Variants in PIGB observed in about 807,000 individuals in gnomAD.
The protein encoded by PIGB is GPI alpha-1,2-mannosyltransferase 3.
In PIGB, 58 loss-of-function variants were observed where a neutral mutation model predicts 68.4. That is an observed-to-expected ratio of 0.85 (90% CI 0.69 to 1.06). The LOEUF is 1.06. PIGB is among the 50% of genes least tolerant of loss of function. The probability of loss-of-function intolerance (pLI) is 0.00; values close to 1 mark genes in which losing one functional copy is unlikely to be tolerated. For missense variants in PIGB, 634 were observed against 655.8 expected (o/e 0.97, Z 0.36); for synonymous variants, 219 against 220.5 (o/e 0.99, Z 0.06).
intron 8 of PIGB, 107 bp downstream of exon 8, chr15:55,340,930 G>A (rs940982476): frequency 1.5e-6 from 1 of 686,572 alleles, no homozygotes; most frequent in East Asian, 2.8e-5. Context: ...ATTAACTTTT[G>A]TTAGTGGGAA....
chr15:55,331,700 C>A (rs961767952), intron 5 of PIGB, among the ~76,000 whole-genome samples: 16 of 151,362 alleles, frequency 1.1e-4, no homozygotes, highest in Non-Finnish European at 4.4e-5. Flanking sequence ...GCAACAAGAG[C>A]AAAACTGTCT....
In PIGB at chr15:55,342,933, A is replaced by G. The variant is rs911044143; in HGVS notation, c.1123+1131A>G. ...TTCCTTCAAATATTAAGACCTTAAA[A>G]AAAATCACAGCGTTGAGAGAGAAGA... On this transcript the variant is annotated intron_variant, in intron 9 of 11. Coordinates refer to ENST00000164305, the MANE Select transcript of PIGB (RefSeq NM_004855.5). Among the ~76,000 whole-genome samples, 12 of 152,330 alleles carry G rather than the reference A, an allele frequency of 7.9e-5. No individual in the cohort carries two copies. In the South Asian group the frequency reaches 2.3e-3, roughly 29 times the overall value.
intron 5 of PIGB, among the ~76,000 whole-genome samples, chr15:55,333,375 C>G (rs1022054194): frequency 6.6e-6 from 1 of 152,126 alleles, no homozygotes; most frequent in African/African-American, 2.4e-5. Context: ...GCTGGCGGAT[C>G]GCCTGAGGTC....
intron 4 of PIGB, among the ~76,000 whole-genome samples, chr15:55,328,177 A>G (rs529428315): frequency 1.1e-4 from 16 of 152,232 alleles, no homozygotes; most frequent in Non-Finnish European, 2.1e-4. Context: ...GGAAGAAAGT[A>G]TAGTATGCAA....
chr15:55,337,915 G>T (rs1433725446), intron 6 of PIGB, among the ~76,000 whole-genome samples: 1 of 152,138 alleles, frequency 6.6e-6, no homozygotes, highest in East Asian at 1.9e-4. Flanking sequence ...TTAGACATGA[G>T]TACATATGGT....
chr15:55,333,868 G>C lies in PIGB; in HGVS notation c.655G>C (p.Val219Leu). The C allele has an allele frequency of 6.3e-7, 1 of 1,592,072 alleles. No individual in the cohort carries two copies. The highest frequency in any genetic ancestry group is 8.5e-7 in the Non-Finnish European group (1 of 1,169,682). ...TTATCACACATTTTCCTCTTATAGT[G>C]TCAAATACTCATCCCTGGTGGCACT... ...PLEGSKSMNS[V>L]KYSSLVALAF... Residue 219 changes from valine (V) to leucine (L), a missense_variant and splice_region_variant, in exon 6 of 12, where the codon GTC becomes CTC. Coordinates refer to ENST00000164305, the MANE Select transcript of PIGB (RefSeq NM_004855.5).
At chr15:55,321,740 C>T (rs796341946) in intron 3 of PIGB, among the ~76,000 whole-genome samples, 1 of 147,598 alleles carries the variant, frequency 6.8e-6, no homozygotes. Flanking sequence ...ACAACCTCCA[C>T]CTCCCGGGTT....
At chr15:55,354,639 C>CT in intron 10 of PIGB, 159 bp from the exon 11 acceptor site, 3 of 603,466 alleles carry the variant, frequency 5.0e-6, no homozygotes, top group Non-Finnish European at 5.6e-6. Context: ...TTTTTTTTAT[C>CT]TTTGAGAAAA....
intron 3 of PIGB, among the ~76,000 whole-genome samples, chr15:55,326,786 G>A (rs947467149): frequency 2.6e-5 from 4 of 152,176 alleles, no homozygotes; most frequent in Non-Finnish European, 5.9e-5. Flanking sequence ...GCAGTGAGCC[G>A]CGGTTGCGCC....
chr15:55,319,685 G>A, intron 1 of PIGB: 1 of 285,382 alleles, frequency 3.5e-6, no homozygotes, highest in Admixed American at 5.0e-5. Flanking sequence ...CACAGACCCG[G>A]GTTTGAATCC....
At chr15:55,344,577 C>T (rs947345706) in intron 9 of PIGB, among the ~76,000 whole-genome samples, 3 of 152,186 alleles carry the variant, frequency 2.0e-5, no homozygotes, top group African/African-American at 7.2e-5. Context: ...TTTCAGTCTA[C>T]GGTAACTTCT....
intron 6 of PIGB, among the ~76,000 whole-genome samples, chr15:55,336,499 A>C (rs1351949780): frequency 6.6e-6 from 1 of 152,236 alleles, no homozygotes; most frequent in Non-Finnish European, 1.5e-5. Flanking sequence ...GAACGCTTAC[A>C]TTAGCCTACA....
At chr15:55,344,422 G>A (rs979869666) in intron 9 of PIGB, among the ~76,000 whole-genome samples, 10 of 152,230 alleles carry the variant, frequency 6.6e-5, no homozygotes, top group African/African-American at 2.4e-4. Flanking sequence ...TTGAGACAAG[G>A]GCTTGGAATT....
intron 3 of PIGB, among the ~76,000 whole-genome samples, chr15:55,326,669 A>G (rs1363192206): frequency 1.3e-5 from 2 of 151,426 alleles, no homozygotes; most frequent in Non-Finnish European, 2.9e-5. Context: ...GATCGAGACC[A>G]TGCTGGCTAA....
In PIGB at chr15:55,340,692, C is replaced by A. The variant is rs1288120424; in HGVS notation, c.927C>A (p.His309Gln). 1 of 1,612,436 alleles carries A rather than the reference C, an allele frequency of 6.2e-7. No homozygotes were observed. Among genetic ancestry groups the A allele is most frequent in the South Asian group, 1.1e-5 (1 of 90,776 alleles). Residue 309 changes from histidine (H) to glutamine (Q), a missense_variant, in exon 8 of 12, where the codon CAC (histidine) becomes CAA (glutamine). Coordinates refer to ENST00000164305, the MANE Select transcript of PIGB (RefSeq NM_004855.5). ...CATTTTATGGTTCTCATCCATGGCA[C>A]TGGTACTTCAGTCAAGGATTTCCAG... Reference protein sequence around the residue: ...WGTFYGSHPWHWYFSQGFPVI... With the variant: ...WGTFYGSHPWQWYFSQGFPVI...
At chr15:55,332,861 TA>T (rs1431908137) in intron 5 of PIGB, among the ~76,000 whole-genome samples, 1 of 151,948 alleles carries the variant, frequency 6.6e-6, no homozygotes, top group Non-Finnish European at 1.5e-5. Context: ...GAAGTCCTGT[TA>T]ATAAAAATCT....
intron 6 of PIGB, among the ~76,000 whole-genome samples, chr15:55,336,129 G>C (rs2055530040): frequency 6.6e-6 from 1 of 152,130 alleles, no homozygotes; most frequent in Non-Finnish European, 1.5e-5. Context: ...AGTCAGGCAA[G>C]GCACAGTGGC....
chr15:55,321,237 C>A, intron 2 of PIGB, 36 bp from the exon 3 acceptor site: 2 of 1,484,792 alleles, frequency 1.3e-6, no homozygotes, highest in Non-Finnish European at 1.8e-6. Context: ...AAATAGGTTT[C>A]AATATTATTG....
intron 3 of PIGB, among the ~76,000 whole-genome samples, chr15:55,326,401 T>A (rs1408679408): frequency 6.6e-6 from 1 of 152,146 alleles, no homozygotes; most frequent in Admixed American, 6.5e-5. Context: ...GGAAAATTAG[T>A]TAACCTCTCT....
Sources: allele counts gnomAD v4.1 joint callset (sites outside exome capture counted in the v4.1 genomes callset), GRCh38; gene constraint gnomAD v4.1.1; transcripts MANE v1.5; gene names NCBI Gene and HGNC (gene_info 2026-07-23, HGNC 2026-07-21).